CARMIL2: variants seen among roughly 807,000 people sequenced by gnomAD.
CARMIL2 encodes the protein capping protein, Arp2/3 and myosin-I linker protein 2.
CARMIL2 carries 96 observed loss-of-function variants against 173.3 expected under a neutral mutation model. The ratio of observed to expected loss-of-function variants is 0.55; its 90% CI spans 0.47 to 0.66. The LOEUF is 0.66. Ranked by LOEUF, CARMIL2 falls within the 30% of genes least tolerant of loss-of-function variation. The pLI is 0.00. For synonymous variants in CARMIL2, 830 were observed against 817.1 expected (o/e 1.02, Z -0.27); for missense variants, 1,771 against 1,906.7 (o/e 0.93, Z 1.33).
At chr16:67,645,894 C>A in intron 3 of CARMIL2, 117 bp downstream of exon 3, 1 of 1,550,436 alleles carries the variant, frequency 6.4e-7, no homozygotes, top group Non-Finnish European at 8.9e-7. Context: ...CAGCACTGGG[C>A]TCTGGGCAGC....
chr16:67,649,661 C>G lies in CARMIL2; in HGVS notation c.1919+42C>G, dbSNP rs76841123. The G allele has an allele frequency of 0.096, 148,395 of 1,550,082 alleles. 8,227 individuals are homozygous for G. The highest frequency in any genetic ancestry group is 0.19 in the African/African-American group (13,896 of 73,736). On this transcript the variant is annotated intron_variant, in intron 20 of 37. Coordinates refer to ENST00000334583, the MANE Select transcript of CARMIL2 (RefSeq NM_001013838.3). The surrounding 1 kb of genome is among the most constrained non-coding windows in gnomAD (Gnocchi z 6.7). ...GGGTGGGACCAGCGGGCAGGGGGCGCGGTGGAGAGGAGGGCACCGGGCTAA... is the reference window on the plus strand; with the variant it reads ...GGGTGGGACCAGCGGGCAGGGGGCGGGGTGGAGAGGAGGGCACCGGGCTAA...
chr16:67,646,790 G>A lies in CARMIL2; in HGVS notation c.537+6G>A. The stretch of plus-strand genomic sequence containing the variant: ...TCCGAGAGGAGATTCAGTGGGTGAG[G>A]GTAGGGCCCTTTTGAAGGGCTCTGG... On this transcript the variant is annotated splice_donor_region_variant and intron_variant, in intron 7 of 37. Transcript: ENST00000334583. This position sits in a 1 kb window ranked among gnomAD's most constrained non-coding sequence, Gnocchi z 4.6. 1 of 1,613,906 alleles carries A rather than the reference G, an allele frequency of 6.2e-7. No individual in the cohort carries two copies. The highest frequency in any genetic ancestry group is 8.5e-7 in the Non-Finnish European group (1 of 1,179,834).
In CARMIL2 at chr16:67,653,338, A is replaced by G; in HGVS notation, c.3120+84A>G. On this transcript the variant is annotated intron_variant, in intron 29 of 37. Coordinates refer to ENST00000334583, the MANE Select transcript of CARMIL2 (RefSeq NM_001013838.3). The surrounding 1 kb of genome is among the most constrained non-coding windows in gnomAD (Gnocchi z 7.4). The stretch of plus-strand genomic sequence containing the variant: ...CGCTCCTCATGGGTGGTAGCGGTCA[A>G]GGAGAGGGGGTGGTGGGGGCCCAAG... 3.0e-6 allele frequency: 2 copies of G among 656,380 alleles called. No individual in the cohort carries two copies. The highest frequency in any genetic ancestry group is 7.8e-5 in the East Asian group (1 of 12,878). 40.7% of individuals were successfully genotyped at this position (656,380 alleles called of 1,614,324 possible).
Position 67,650,105 on chromosome 16 carries a change from G to T in CARMIL2, c.2139G>T (p.Thr713=). 4 of 1,613,436 alleles carry T rather than the reference G, an allele frequency of 2.5e-6. No individual in the cohort carries two copies. Among genetic ancestry groups the T allele is most frequent in the Non-Finnish European group, 3.4e-6 (4 of 1,179,766 alleles). Reference sequence around the variant, plus strand: ...CAGACCCTGCCTCTTCTGACCACACGACCCGCCTTCAGCCACTTGGTCTGG... The same window carrying T: ...CAGACCCTGCCTCTTCTGACCACACTACCCGCCTTCAGCCACTTGGTCTGG... ...NRADPASSDH[T]TRLQPLGLVS... is the part of the protein sequence containing the mutation. Residue 713 remains threonine (T), a synonymous_variant, in exon 22 of 38, where the codon ACG becomes ACT. Transcript: ENST00000334583.
intron 22 of CARMIL2, chr16:67,650,747 A>G: frequency 1.1e-5 from 2 of 177,344 alleles, no homozygotes; most frequent in East Asian, 1.5e-4. Context: ...GCACCCTTCC[A>G]GGTCTCTCCT....
At chr16:67,655,949 G>A (rs1278609177) in intron 32 of CARMIL2, 82 bp from the exon 33 acceptor site, 39 of 1,512,658 alleles carry the variant, frequency 2.6e-5, no homozygotes, top group Non-Finnish European at 3.4e-5. Flanking sequence ...TTCAGTGGCA[G>A]GATTATAAGA....
chr16:67,649,244 C>T lies in CARMIL2; in HGVS notation c.1689-10C>T. The T allele has an allele frequency of 6.2e-7, 1 of 1,613,460 alleles. No homozygotes were observed. The highest frequency in any genetic ancestry group is 8.5e-7 in the Non-Finnish European group (1 of 1,179,674). On this transcript the variant is annotated splice_polypyrimidine_tract_variant and intron_variant, in intron 18 of 37. Coordinates refer to ENST00000334583, the MANE Select transcript of CARMIL2 (RefSeq NM_001013838.3). The surrounding 1 kb of genome is among the most constrained non-coding windows in gnomAD (Gnocchi z 6.7). ...CCCCTGTCCCCCACAACTGCGGCCC[C>T]TGCCCACAGGGAGACCCTGGACGAC...
Position 67,649,014 on chromosome 16 carries a change from G to T in CARMIL2, c.1591+40G>T. 1 of 1,601,884 alleles carries T rather than the reference G, an allele frequency of 6.2e-7. No individual in the cohort carries two copies. The highest frequency in any genetic ancestry group is 8.5e-7 in the Non-Finnish European group (1 of 1,174,762). On this transcript the variant is annotated intron_variant, in intron 17 of 37. Coordinates refer to ENST00000334583, the MANE Select transcript of CARMIL2 (RefSeq NM_001013838.3). This position sits in a 1 kb window ranked among gnomAD's most constrained non-coding sequence, Gnocchi z 6.7. ...GAGCCCATCCTCGCATCATCCACTC[G>T]ATTCCCAATCCCCACCCTACCCTTG...
rs533477810 is a variant in CARMIL2, at chr16:67,648,638, A to C, written c.1440-47A>C. On this transcript the variant is annotated intron_variant, in intron 15 of 37. Coordinates refer to ENST00000334583, the MANE Select transcript of CARMIL2 (RefSeq NM_001013838.3). The surrounding 1 kb of genome is among the most constrained non-coding windows in gnomAD (Gnocchi z 6.1). ...CCTGCCTCCTTCGTTCGCACCCTGG[A>C]GCCCCCTGTCCCAGCTCCCGCCACC... 6.4e-7 allele frequency: 1 copy of C among 1,556,198 alleles called. No individual in the cohort carries two copies. The highest frequency in any genetic ancestry group is 1.4e-5 in the African/African-American group (1 of 72,984).
chr16:67,654,087 G>GGGC, intron 29 of CARMIL2, 62 bp from the exon 30 acceptor site: 1 of 1,104,398 alleles, frequency 9.1e-7, no homozygotes, highest in South Asian at 1.6e-5. Flanking sequence ...GGCCGGGGGG[G>GGGC]GGGGGGGGTA....
Position 67,653,934 on chromosome 16 carries a change from CTG to C in CARMIL2, c.3121-214_3121-213del, listed in dbSNP as rs2052778813. 6.6e-6 allele frequency among the ~76,000 whole-genome samples: 1 copy of C among 151,878 alleles called. No individual in the cohort carries two copies. Among genetic ancestry groups the C allele is most frequent in the African/African-American group, 2.4e-5 (1 of 41,342 alleles). ...TCTGTGGGACAAGGACGGGTGTGGA[CTG>C]GGTGTGCGGGAGCCAGCAGCGAGTG... On this transcript the variant is annotated intron_variant, in intron 29 of 37. Transcript: ENST00000334583. This position sits in a 1 kb window ranked among gnomAD's most constrained non-coding sequence, Gnocchi z 7.4.
In CARMIL2 at chr16:67,646,556, C is replaced by T; in HGVS notation, c.466+39C>T. 1.3e-6 allele frequency: 2 copies of T among 1,598,408 alleles called. No individual in the cohort carries two copies. The highest frequency in any genetic ancestry group is 1.7e-6 in the Non-Finnish European group (2 of 1,168,948). On this transcript the variant is annotated intron_variant, in intron 6 of 37. Coordinates refer to ENST00000334583, the MANE Select transcript of CARMIL2 (RefSeq NM_001013838.3). The surrounding 1 kb of genome is among the most constrained non-coding windows in gnomAD (Gnocchi z 4.6). The stretch of plus-strand genomic sequence containing the variant: ...CAGAGCCACAGGCCTTCCAGCCTGC[C>T]CCACCTCTGCCTCCCCAGACCCGCA...
Position 67,651,747 on chromosome 16 carries a change from C to T in CARMIL2, c.2490C>T (p.Ser830=). The T allele has an allele frequency of 6.2e-7, 1 of 1,606,700 alleles. No individual in the cohort carries two copies. The highest frequency in any genetic ancestry group is 8.5e-7 in the Non-Finnish European group (1 of 1,177,280). Residue 830 remains serine (S), a synonymous_variant, in exon 25 of 38, where the codon TCC becomes TCT. Coordinates refer to ENST00000334583, the MANE Select transcript of CARMIL2 (RefSeq NM_001013838.3). The surrounding 1 kb of genome is among the most constrained non-coding windows in gnomAD (Gnocchi z 4.2). ...TCTGCCCACAGATGCTGCAGGGATC[C>T]AGCTGGAGGGAGCAGCTAGAGGGGG... ...RSLCPQMLQG[S]SWREQLEGVL...
In CARMIL2 at chr16:67,656,314, CTG is replaced by C. The variant is rs750114244; in HGVS notation, c.3814+23_3814+24del. 1.7e-5 allele frequency: 27 copies of C among 1,613,746 alleles called. No individual in the cohort carries two copies. The highest frequency in any genetic ancestry group is 6.7e-5 in the Admixed American group (4 of 60,002). ...TGTGTCTGCTGGTGAGTGAGGGCCA[CTG>C]TGTGTGTTGGTAGTGGGAGCAGGGA... On this transcript the variant is annotated intron_variant, in intron 34 of 37. Transcript: ENST00000334583.
rs201058720 is a variant in CARMIL2 at position 67,652,489 on chromosome 16, G to C, written c.2835G>C (p.Gln945His). ...EEKEKDDSPP[Q>H]KWPELSHGLH... Reference sequence around the variant, plus strand: ...CCCACCAGGATGACAGTCCTCCACAGAAATGGCCTGAGCTCAGCCACGGTC... The same window carrying C: ...CCCACCAGGATGACAGTCCTCCACACAAATGGCCTGAGCTCAGCCACGGTC... The change falls in exon 28 of 38, where the codon CAG becomes CAC. Residue 945 changes from glutamine (Q) to histidine (H), a missense_variant. Physicochemically the swap from Gln to His is conservative, Grantham distance 24. Around this residue, in one of 3 missense-constraint regions of CARMIL2, gnomAD observed 817 missense variants for 903.5 expected, o/e 0.90. Coordinates refer to ENST00000334583, the MANE Select transcript of CARMIL2 (RefSeq NM_001013838.3). The surrounding 1 kb of genome is among the most constrained non-coding windows in gnomAD (Gnocchi z 4.7). The C allele has an allele frequency of 2.9e-4, 467 of 1,613,632 alleles. No individual in the cohort carries two copies. Among genetic ancestry groups the C allele is most frequent in the Admixed American group, 1.5e-3 (90 of 59,994 alleles).
rs1221195477 is a variant in CARMIL2 at position 67,653,788 on chromosome 16, G to A, written c.3121-361G>A. ...AGCAGGCCGGGTGGAGTGGGGGTGG[G>A]GTGGGGGACACTGCAGGGAACTGTT... On this transcript the variant is annotated intron_variant, in intron 29 of 37. Coordinates refer to ENST00000334583, the MANE Select transcript of CARMIL2 (RefSeq NM_001013838.3). The surrounding 1 kb of genome is among the most constrained non-coding windows in gnomAD (Gnocchi z 7.4). Among the ~76,000 whole-genome samples the A allele has an allele frequency of 6.6e-6, 1 of 152,130 alleles. No individual in the cohort carries two copies. Among genetic ancestry groups the A allele is most frequent in the East Asian group, 1.9e-4 (1 of 5,170 alleles).
At position 67,646,202 on chromosome 16, in the gene CARMIL2, A is replaced by G; in HGVS notation, c.266A>G (p.Glu89Gly). The stretch of plus-strand genomic sequence containing the variant: ...CTTCCCTAGGTCACCTTTGAGCTGG[A>G]GTCCCTGCGTGAGCTGGTCCTGGAG... ...ETPPQVTFEL[E>G]SLRELVLEFP... Residue 89 changes from glutamate to glycine, a missense_variant, in exon 5 of 38, where the codon GAG (glutamate) becomes GGG (glycine). Coordinates refer to ENST00000334583, the MANE Select transcript of CARMIL2 (RefSeq NM_001013838.3). This position sits in a 1 kb window ranked among gnomAD's most constrained non-coding sequence, Gnocchi z 4.6. 1 of 1,613,802 alleles carries G rather than the reference A, an allele frequency of 6.2e-7. No homozygotes were observed. The highest frequency in any genetic ancestry group is 1.1e-5 in the South Asian group (1 of 91,076).
Position 67,654,779 on chromosome 16 carries a change from G to A in CARMIL2, c.3584G>A (p.Arg1195Gln), listed in dbSNP as rs1290770775. The change falls in exon 32 of 38, where the codon CGG (arginine) becomes CAG (glutamine). Residue 1195 changes from arginine to glutamine, a missense_variant and splice_region_variant. Coordinates refer to ENST00000334583, the MANE Select transcript of CARMIL2 (RefSeq NM_001013838.3). ...CAACTCGAGCATCTCTGTCCCTAGC[G>A]GCGGCCCCTGGAGCGGGGAGAAACA... is the stretch of plus-strand genomic sequence containing the variant. ...EATLGARPDK[R>Q]RPLERGETEL... 2.5e-6 allele frequency: 4 copies of A among 1,613,338 alleles called. No individual in the cohort carries two copies. The highest frequency in any genetic ancestry group is 1.7e-4 in the Middle Eastern group (1 of 6,058).
In CARMIL2 at chr16:67,652,787, C is replaced by T. The variant is rs1251850419; in HGVS notation, c.2885-232C>T. Among the ~76,000 whole-genome samples, 1 of 151,900 alleles carries T rather than the reference C, an allele frequency of 6.6e-6. No individual in the cohort carries two copies. The highest frequency in any genetic ancestry group is 1.5e-5 in the Non-Finnish European group (1 of 67,924). ...GCCTCCCCGCGCCCCTTTCCCTACC[C>T]CAGGGACGCGCATGCTGGGCGGCGG... On this transcript the variant is annotated intron_variant, in intron 28 of 37. Transcript: ENST00000334583. This position sits in a 1 kb window ranked among gnomAD's most constrained non-coding sequence, Gnocchi z 4.7.
Sources: gnomAD v4.1 joint callset for allele counts (sites outside exome capture counted in the v4.1 genomes callset) on GRCh38, gnomAD v4.1.1 for gene constraint, gnomAD v4.1.1 regional missense constraint, Gnocchi (gnomAD v3.1) non-coding constraint, MANE v1.5 for transcripts, NCBI Gene and HGNC (gene_info 2026-07-23, HGNC 2026-07-21) for gene names.